Variants in PDE1C observed in about 807,000 individuals in gnomAD.
The protein encoded by PDE1C is dual specificity calcium/calmodulin-dependent 3',5'-cyclic nucleotide phosphodiesterase 1C.
A neutral mutation model predicts 93.1 loss-of-function variants in PDE1C; 62 were observed. The ratio of observed to expected loss-of-function variants is 0.67; its 90% confidence interval spans 0.54 to 0.82. The LOEUF (loss-of-function observed/expected upper bound fraction) is 0.82, where lower values mean the gene tolerates loss of function less well. Ranked by LOEUF, PDE1C falls within the 40% of genes least tolerant of loss-of-function variation. PDE1C has a pLI of 0.00. For missense variants in PDE1C, 742 were observed against 884.6 expected, an observed-to-expected ratio of 0.84 and a Z score of 2.04; for synonymous variants, 325 against 310.1, an observed-to-expected ratio of 1.05 and a Z score of -0.50.
chr7:31,791,384 T>G (rs1363997400), intron 16 of PDE1C, among the ~76,000 whole-genome samples: 1 of 152,112 alleles, frequency 6.6e-6, no homozygotes, highest in Non-Finnish European at 1.5e-5. Flanking sequence ...ATACTAGCAC[T>G]GATAAACTTG....
chr7:32,292,328 C>T (rs981957492), intron 1 of PDE1C, among the ~76,000 whole-genome samples: 4 of 151,952 alleles, frequency 2.6e-5, no homozygotes, highest in Admixed American at 2.0e-4. Flanking sequence ...TTTAGGTGTA[C>T]GACATTGTAC....
chr7:31,695,832 T>C, the PDE1C span: 1 of 405,900 alleles, frequency 2.5e-6, no homozygotes, highest in Admixed American at 4.4e-5. Context: ...AAAGTTTATT[T>C]TTTTTACCTA....
At chr7:32,234,908 A>C (rs1433667017) in intron 1 of PDE1C, among the ~76,000 whole-genome samples, 1 of 152,040 alleles carries the variant, frequency 6.6e-6, no homozygotes, top group Non-Finnish European at 1.5e-5. Context: ...AAATATAAAC[A>C]AACAGGTAGG....
chr7:32,049,726 A>G (rs191986218), intron 2 of PDE1C, among the ~76,000 whole-genome samples: 3 of 152,320 alleles, frequency 2.0e-5, no homozygotes, highest in Admixed American at 2.0e-4. Flanking sequence ...GTTTAATTCC[A>G]TAACACCCAA....
chr7:31,710,873 C>T, the PDE1C span, among the ~76,000 whole-genome samples: 1 of 152,158 alleles, frequency 6.6e-6, no homozygotes, highest in African/African-American at 2.4e-5. Flanking sequence ...ATTATAATGG[C>T]CTTCATCCTT....
At chr7:32,119,722 G>A (rs995651090) in intron 3 of PDE1C, among the ~76,000 whole-genome samples, 6 of 152,124 alleles carry the variant, frequency 3.9e-5, no homozygotes, top group Non-Finnish European at 8.8e-5. Context: ...CAAGGCCGGC[G>A]GTGAGTGAGC....
intron 16 of PDE1C, among the ~76,000 whole-genome samples, chr7:31,804,338 G>A (rs1786500353): frequency 6.6e-6 from 1 of 151,788 alleles, no homozygotes; most frequent in Non-Finnish European, 1.5e-5. Context: ...TGGCTAGTGG[G>A]AATAGGCACT....
intron 1 of PDE1C, among the ~76,000 whole-genome samples, chr7:32,064,788 T>A (rs954677744): frequency 1.3e-5 from 2 of 152,260 alleles, no homozygotes. Context: ...CCTCAAACTA[T>A]GAGCATACAT....
At chr7:32,426,397 C>G (rs1217738386) in intron 1 of PDE1C, among the ~76,000 whole-genome samples, 1 of 151,900 alleles carries the variant, frequency 6.6e-6, no homozygotes, top group Non-Finnish European at 1.5e-5. Flanking sequence ...CCTCAGCCCC[C>G]TAAGTAGCTG....
At chr7:32,408,741 A>C (rs1022243649) in intron 1 of PDE1C, among the ~76,000 whole-genome samples, 1 of 152,210 alleles carries the variant, frequency 6.6e-6, no homozygotes, top group Non-Finnish European at 1.5e-5. Flanking sequence ...GTGGGCCAAG[A>C]TTATGCTGCT....
intron 1 of PDE1C, among the ~76,000 whole-genome samples, chr7:32,383,787 G>A (rs215720): frequency 0.75 from 114,436 of 152,046 alleles, 44,963 homozygotes; most frequent in East Asian, 0.96. Flanking sequence ...CACTGGAAAG[G>A]GTCCAAGCTT....
At chr7:31,664,920 A>G in the PDE1C span, among the ~76,000 whole-genome samples, 2 of 152,314 alleles carry the variant, frequency 1.3e-5, no homozygotes, top group Admixed American at 1.3e-4. Flanking sequence ...GGCCTTTTAT[A>G]AACATAAATC....
At chr7:31,671,244 C>A in the PDE1C span, among the ~76,000 whole-genome samples, 1 of 152,152 alleles carries the variant, frequency 6.6e-6, no homozygotes, top group Non-Finnish European at 1.5e-5. Context: ...CCTTCTGGGA[C>A]TTCAGGGGTT....
intron 2 of PDE1C, among the ~76,000 whole-genome samples, chr7:32,205,766 G>A (rs1283740872): frequency 6.6e-6 from 1 of 152,092 alleles, no homozygotes; most frequent in Non-Finnish European, 1.5e-5. Context: ...AGACCATGAA[G>A]CAACCCCAAG....
At chr7:32,197,052 T>C (rs761966209) in intron 2 of PDE1C, among the ~76,000 whole-genome samples, 4 of 152,202 alleles carry the variant, frequency 2.6e-5, no homozygotes, top group African/African-American at 4.8e-5. Flanking sequence ...GGTTAATAAA[T>C]AAGTTTGGCA....
chr7:31,704,585 G>A, the PDE1C span, among the ~76,000 whole-genome samples: 4 of 152,222 alleles, frequency 2.6e-5, no homozygotes, highest in African/African-American at 4.8e-5. Context: ...GGAGAAGGAT[G>A]TATTGTCCAG....
At chr7:32,290,216 G>A (rs181514268) in intron 1 of PDE1C, among the ~76,000 whole-genome samples, 63 of 152,298 alleles carry the variant, frequency 4.1e-4, no homozygotes, top group Non-Finnish European at 6.2e-4. Context: ...GCTTGGCTGA[G>A]ACAGGCACTC....
At chr7:32,334,115 T>G (rs1416005522) in intron 1 of PDE1C, among the ~76,000 whole-genome samples, 1 of 152,172 alleles carries the variant, frequency 6.6e-6, no homozygotes, top group African/African-American at 2.4e-5. Context: ...AAGAAAATCA[T>G]AAGGATCAAT....
intron 2 of PDE1C, among the ~76,000 whole-genome samples, chr7:32,177,382 CTT>C (rs1467397235): frequency 1.3e-5 from 2 of 152,182 alleles, no homozygotes; most frequent in African/African-American, 2.4e-5. Context: ...CATCTGTAAA[CTT>C]GAGCTGTAAC....
Sources: gnomAD v4.1 joint callset for allele counts (sites outside exome capture counted in the v4.1 genomes callset) on GRCh38, gnomAD v4.1.1 for gene constraint, MANE v1.5 for transcripts, NCBI Gene and HGNC (gene_info 2026-07-23, HGNC 2026-07-21) for gene names.